Variants in AP2B1 observed in about 807,000 individuals in gnomAD.
The protein encoded by AP2B1 is AP-2 complex subunit beta.
AP2B1 carries 23 observed loss-of-function variants against 102.0 expected under a neutral mutation model. That is an observed-to-expected ratio of 0.23 (90% CI 0.16 to 0.32). AP2B1 has a LOEUF of 0.32. Ranked by LOEUF, AP2B1 falls within the 10% of genes least tolerant of loss-of-function variation. AP2B1 has a pLI of 1.00. For missense variants in AP2B1, 541 were observed against 1,157.4 expected (o/e 0.47, Z 7.73); for synonymous variants, 381 against 421.2 (o/e 0.90, Z 1.17).
At chr17:35,678,389 T>C (rs1315947588) in intron 17 of AP2B1, among the ~76,000 whole-genome samples, 1 of 152,190 alleles carries the variant, frequency 6.6e-6, no homozygotes, top group Non-Finnish European at 1.5e-5. Flanking sequence ...TTTTTCTTCT[T>C]GTCTGATTGT....
intron 5 of AP2B1, among the ~76,000 whole-genome samples, chr17:35,616,188 G>A (rs1369995106): frequency 3.0e-5 from 3 of 98,622 alleles, no homozygotes; most frequent in East Asian, 6.6e-4. Context: ...TTTTGGAGAC[G>A]GAGTCTCGCT....
chr17:35,648,153 A>G (rs1204532070), intron 12 of AP2B1, among the ~76,000 whole-genome samples: 1 of 152,198 alleles, frequency 6.6e-6, no homozygotes, highest in African/African-American at 2.4e-5. Context: ...AAATGCCATC[A>G]TATAGACATA....
At chr17:35,607,093 T>G (rs1390663808) in intron 4 of AP2B1, among the ~76,000 whole-genome samples, 1 of 152,070 alleles carries the variant, frequency 6.6e-6, no homozygotes, top group African/African-American at 2.4e-5. Context: ...TTAGTAGAGA[T>G]GGGGTTTCAC....
intron 16 of AP2B1, among the ~76,000 whole-genome samples, chr17:35,673,822 T>G (rs1222778287): frequency 6.6e-6 from 1 of 152,174 alleles, no homozygotes; most frequent in African/African-American, 2.4e-5. Flanking sequence ...AAAAACACAT[T>G]ATGCTCATTG....
intron 3 of AP2B1, among the ~76,000 whole-genome samples, chr17:35,600,499 T>C (rs1159936045): frequency 6.6e-6 from 1 of 152,190 alleles, no homozygotes; most frequent in African/African-American, 2.4e-5. Context: ...TTCCGAGTTA[T>C]ATACGTGTAT....
chr17:35,667,395 T>C (rs900675437), intron 14 of AP2B1, among the ~76,000 whole-genome samples: 7 of 152,200 alleles, frequency 4.6e-5, no homozygotes, highest in Admixed American at 4.6e-4. Context: ...GTCTCTGATA[T>C]CTTTTGGACC....
At chr17:35,596,075 T>A (rs1231681513) in intron 2 of AP2B1, among the ~76,000 whole-genome samples, 3 of 152,202 alleles carry the variant, frequency 2.0e-5, no homozygotes, top group Non-Finnish European at 4.4e-5. Context: ...TAGATTGTGT[T>A]CCCTGTACTT....
At chr17:35,700,044 T>C (rs927282803) in intron 18 of AP2B1, among the ~76,000 whole-genome samples, 1 of 152,054 alleles carries the variant, frequency 6.6e-6, no homozygotes, top group Non-Finnish European at 1.5e-5. Flanking sequence ...TGCAGTGAGC[T>C]GTGATTATGC....
intron 5 of AP2B1, among the ~76,000 whole-genome samples, chr17:35,621,818 G>A (rs930632987): frequency 5.9e-5 from 9 of 151,516 alleles, no homozygotes; most frequent in Non-Finnish European, 1.2e-4. Flanking sequence ...CCCTTCTCTC[G>A]TTTTCTTTGT....
chr17:35,680,192 G>A (rs983568470), intron 17 of AP2B1, among the ~76,000 whole-genome samples: 1 of 152,118 alleles, frequency 6.6e-6, no homozygotes, highest in African/African-American at 2.4e-5. Flanking sequence ...ACAGGCGTGA[G>A]CCACCGCACC....
rs561084074 is a variant in AP2B1, at chr17:35,616,041, T to C, written c.525+7654T>C. The stretch of plus-strand genomic sequence containing the variant: ...AAAGCAAACACTTTTTGTTTTCCTT[T>C]TATAATGTGCTTTGTGGAAATCATT... On this transcript the variant is annotated intron_variant, in intron 5 of 21. Transcript: ENST00000610402. Among the ~76,000 whole-genome samples, 9 of 152,290 alleles carry C rather than the reference T, an allele frequency of 5.9e-5. No individual in the cohort carries two copies. In the South Asian group the frequency reaches 1.9e-3, roughly 32 times the overall value.
intron 3 of AP2B1, among the ~76,000 whole-genome samples, chr17:35,603,803 AT>A (rs1191908874): frequency 6.6e-6 from 1 of 152,202 alleles, no homozygotes; most frequent in Non-Finnish European, 1.5e-5. Flanking sequence ...ATGAAGAATT[AT>A]TGTTCCTTTT....
intron 18 of AP2B1, among the ~76,000 whole-genome samples, chr17:35,703,919 T>C (rs1379976503): frequency 2.0e-5 from 3 of 152,210 alleles, no homozygotes; most frequent in East Asian, 1.9e-4. Flanking sequence ...TATGTGATCA[T>C]TGATTTCCCT....
chr17:35,638,471 C>A (rs192718125), intron 10 of AP2B1, among the ~76,000 whole-genome samples: 1 of 152,078 alleles, frequency 6.6e-6, no homozygotes, highest in East Asian at 1.9e-4. Context: ...GTGCAGGTAC[C>A]TTTAGAAGAA....
At chr17:35,642,283 G>T (rs2074803897) in intron 12 of AP2B1, among the ~76,000 whole-genome samples, 1 of 137,122 alleles carries the variant, frequency 7.3e-6, no homozygotes, top group Admixed American at 7.6e-5. Context: ...GCTTCACTGT[G>T]ACTTCATTTC....
chr17:35,723,622 C>T lies in AP2B1; in HGVS notation c.2782-3C>T. 2 of 1,605,296 alleles carry T rather than the reference C, an allele frequency of 1.2e-6. No individual in the cohort carries two copies. The highest frequency in any genetic ancestry group is 1.7e-6 in the Non-Finnish European group (2 of 1,171,980). Reference sequence around the variant, plus strand: ...ATCTTCCATCTCCTTTTTCTCCTAACAGCTGTCACTGAAGTGTAGAGCTCC... The same window carrying T: ...ATCTTCCATCTCCTTTTTCTCCTAATAGCTGTCACTGAAGTGTAGAGCTCC... On this transcript the variant is annotated splice_polypyrimidine_tract_variant and splice_region_variant and intron_variant, in intron 21 of 21. Transcript: ENST00000610402.
chr17:35,587,980 C>T (rs1451106301), intron 1 of AP2B1: 1 of 152,052 alleles, frequency 6.6e-6, no homozygotes, highest in Non-Finnish European at 1.5e-5. Flanking sequence ...GCATTCCTTA[C>T]TCTTGGAGGA....
chr17:35,645,822 C>T (rs993726683), intron 12 of AP2B1, among the ~76,000 whole-genome samples: 11 of 152,266 alleles, frequency 7.2e-5, no homozygotes, highest in Admixed American at 2.0e-4. Context: ...ACACTCCAGC[C>T]TGGGCAAGAA....
Position 35,643,659 on chromosome 17 carries a change from C to G in AP2B1, c.1536+1684C>G, listed in dbSNP as rs187291027. Among the ~76,000 whole-genome samples the G allele has an allele frequency of 3.3e-5, 5 of 152,310 alleles. No homozygotes were observed. The East Asian group carries it at 9.6e-4, about 29-fold the overall frequency. ...TGAATCAAGCATTATTAATAGACATCTGGATACCTGGACTGCATTGTTTTT... is the reference window on the plus strand; with the variant it reads ...TGAATCAAGCATTATTAATAGACATGTGGATACCTGGACTGCATTGTTTTT... On this transcript the variant is annotated intron_variant, in intron 12 of 21. Transcript: ENST00000610402.
Sources: gnomAD v4.1 joint callset for allele counts (sites outside exome capture counted in the v4.1 genomes callset) on GRCh38, gnomAD v4.1.1 for gene constraint, MANE v1.5 for transcripts, NCBI Gene and HGNC (gene_info 2026-07-23, HGNC 2026-07-21) for gene names.